RFX7: variants seen among roughly 807,000 people sequenced by gnomAD.
RFX7 encodes DNA-binding protein RFX7.
In RFX7, 26 loss-of-function variants were observed where a neutral mutation model predicts 111.8. That is an observed-to-expected ratio of 0.23 (90% confidence interval 0.17 to 0.32). RFX7 has a LOEUF of 0.32. RFX7 is among the 10% of genes least tolerant of loss of function. The pLI is 1.00. For missense variants in RFX7, 1,573 were observed against 1,772.9 expected, an observed-to-expected ratio of 0.89 and a Z score of 2.02; for synonymous variants, 624 against 624.4, an observed-to-expected ratio of 1.00 and a Z score of 0.01.
chr15:56,243,054 CCG>C, intron 2 of RFX7, 69 bp downstream of exon 2: 2 of 765,232 alleles, frequency 2.6e-6, no homozygotes, highest in South Asian at 1.4e-5. Flanking sequence ...CCCCCGCCCG[CCG>C]CCCCCCACCC....
chr15:56,144,768 C>G (rs1208170275), intron 3 of RFX7, among the ~76,000 whole-genome samples: 14 of 152,074 alleles, frequency 9.2e-5, no homozygotes, highest in African/African-American at 3.4e-4. Context: ...TTTTTAATCA[C>G]ATTTAAAGAA....
chr15:56,146,749 A>G (rs532337861), intron 3 of RFX7, among the ~76,000 whole-genome samples: 1 of 152,316 alleles, frequency 6.6e-6, no homozygotes, highest in African/African-American at 2.4e-5. Context: ...AACAATGAAA[A>G]CTTGTAACTG....
intron 3 of RFX7, among the ~76,000 whole-genome samples, chr15:56,167,721 T>G (rs373838235): frequency 5.3e-5 from 8 of 152,226 alleles, no homozygotes; most frequent in African/African-American, 1.9e-4. Context: ...ACAGATAAAT[T>G]TTTTCATAGC....
intron 3 of RFX7, among the ~76,000 whole-genome samples, chr15:56,147,603 T>G (rs2042497705): frequency 6.6e-6 from 1 of 152,056 alleles, no homozygotes; most frequent in South Asian, 2.1e-4. Flanking sequence ...AGGTGGAGTC[T>G]TGCTGTGTCG....
intron 5 of RFX7, among the ~76,000 whole-genome samples, chr15:56,133,754 G>A (rs757147465): frequency 1.3e-5 from 2 of 152,028 alleles, no homozygotes; most frequent in African/African-American, 2.4e-5. Context: ...TTGCCTTTCT[G>A]TAGTGTTTCT....
chr15:56,179,225 A>G (rs1023690843), intron 3 of RFX7, 45 bp downstream of exon 3: 23 of 961,976 alleles, frequency 2.4e-5, no homozygotes, highest in Non-Finnish European at 3.3e-5. Context: ...TATCGTCATA[A>G]AAACCTTATT....
intron 5 of RFX7, among the ~76,000 whole-genome samples, chr15:56,136,566 G>C (rs1313502517): frequency 1.4e-5 from 2 of 147,512 alleles, no homozygotes; most frequent in Non-Finnish European, 3.0e-5. Context: ...CTGCAAACAG[G>C]GACAATTTGA....
At chr15:56,185,493 C>T (rs550971276) in intron 2 of RFX7, among the ~76,000 whole-genome samples, 11 of 152,130 alleles carry the variant, frequency 7.2e-5, no homozygotes, top group African/African-American at 2.2e-4. Flanking sequence ...GTTAAATATC[C>T]AACTACAACT....
chr15:56,118,634 G>A (rs1409308043), intron 5 of RFX7, among the ~76,000 whole-genome samples: 1 of 152,080 alleles, frequency 6.6e-6, no homozygotes, highest in Admixed American at 6.5e-5. Flanking sequence ...TTGGTTATTG[G>A]GAATAGTGCT....
At chr15:56,183,888 G>C (rs1026673232) in intron 2 of RFX7, among the ~76,000 whole-genome samples, 2 of 152,142 alleles carry the variant, frequency 1.3e-5, no homozygotes, top group African/African-American at 4.8e-5. Flanking sequence ...TTGTTAGAAA[G>C]AGTACAAGGC....
At chr15:56,240,016 A>G in intron 2 of RFX7, among the ~76,000 whole-genome samples, 1 of 143,446 alleles carries the variant, frequency 7.0e-6, no homozygotes, top group East Asian at 2.0e-4. Flanking sequence ...TGAAGTAACC[A>G]AAGAGGGGTA....
intron 5 of RFX7, among the ~76,000 whole-genome samples, chr15:56,111,912 C>G (rs1053142832): frequency 1.3e-5 from 2 of 151,754 alleles, no homozygotes; most frequent in African/African-American, 4.8e-5. Context: ...GTCAGGAGGT[C>G]GAGACCAGCC....
chr15:56,116,008 C>T (rs2042004937), intron 5 of RFX7, among the ~76,000 whole-genome samples: 1 of 151,952 alleles, frequency 6.6e-6, no homozygotes, highest in African/African-American at 2.4e-5. Context: ...ACAGTAACTA[C>T]CTATAGATTA....
In RFX7 at chr15:56,093,137, T is replaced by C. The variant is rs1426129769; in HGVS notation, c.*208A>G. 2.6e-5 allele frequency: 13 copies of C among 503,780 alleles called. No homozygotes were observed. 31.2% of individuals were successfully genotyped at this position (503,780 alleles called of 1,614,324 possible). A position where few individuals can be genotyped will look rare whatever the true frequency, so the allele number is the denominator to read the frequency against. On this transcript the variant is annotated 3_prime_UTR_variant, in exon 10 of 10. Transcript: ENST00000559447. ...GCACATTATAAAATTTAAAACCTAA[T>C]ACTTGTTCTTCTACAGCCTACTGTC... is the stretch of plus-strand genomic sequence containing the variant.
chr15:56,184,543 C>T (rs1256468835), intron 2 of RFX7, among the ~76,000 whole-genome samples: 1 of 152,076 alleles, frequency 6.6e-6, no homozygotes, highest in Non-Finnish European at 1.5e-5. Flanking sequence ...TCTAAACTTT[C>T]TGTAATCAAG....
In RFX7 at chr15:56,091,795, T is replaced by C. The variant is rs1470112303; in HGVS notation, c.*1550A>G. ...CGCCAACTCTAGCACCATTTATTTA[T>C]CAAAATATGTTAATACCCTACCTTG... On this transcript the variant is annotated 3_prime_UTR_variant, in exon 10 of 10. Transcript: ENST00000559447. The C allele has an allele frequency of 6.6e-6, 1 of 152,576 alleles. No homozygotes were observed. The highest frequency in any genetic ancestry group is 1.5e-5 in the Non-Finnish European group (1 of 67,974). The allele number at this position is 152,576 out of a possible 1,614,324, so 9.5% of individuals were successfully genotyped here. A position where few individuals can be genotyped will look rare whatever the true frequency, so the allele number is the denominator to read the frequency against.
intron 2 of RFX7, among the ~76,000 whole-genome samples, chr15:56,225,102 A>G (rs2043467749): frequency 6.6e-6 from 1 of 152,186 alleles, no homozygotes; most frequent in Non-Finnish European, 1.5e-5. Context: ...TACTGAATGT[A>G]ACATTTTTAC....
chr15:56,212,967 T>C (rs1258852788), intron 2 of RFX7, among the ~76,000 whole-genome samples: 1 of 152,194 alleles, frequency 6.6e-6, no homozygotes, highest in Non-Finnish European at 1.5e-5. Flanking sequence ...CACAATGAGA[T>C]ATCACTGTAT....
intron 3 of RFX7, among the ~76,000 whole-genome samples, chr15:56,169,055 T>C (rs2042814061): frequency 1.3e-5 from 2 of 152,202 alleles, no homozygotes; most frequent in South Asian, 4.1e-4. Context: ...TGCATAGTCC[T>C]AGTAGATAAA....
Sources: allele counts gnomAD v4.1 joint callset (sites outside exome capture counted in the v4.1 genomes callset), GRCh38; gene constraint gnomAD v4.1.1; transcripts MANE v1.5; gene names NCBI Gene and HGNC (gene_info 2026-07-23, HGNC 2026-07-21).